Variants in MEIS2 observed in about 807,000 individuals in gnomAD.
MEIS2 encodes homeobox protein Meis2.
In MEIS2, 9 loss-of-function variants were observed where a neutral mutation model predicts 58.6. That is an observed-to-expected ratio of 0.15 (90% CI 0.09 to 0.27). The LOEUF (loss-of-function observed/expected upper bound fraction) is 0.27, where lower values mean the gene tolerates loss of function less well. Among genes scored for constraint, MEIS2 ranks in the 10% least tolerant of loss-of-function variants. The pLI is 1.00. For synonymous variants in MEIS2, 221 were observed against 228.4 expected, an observed-to-expected ratio of 0.97 and a Z score of 0.29; for missense variants, 427 against 635.0, an observed-to-expected ratio of 0.67 and a Z score of 3.52.
At chr15:36,933,556 T>C (rs895453682) in intron 9 of MEIS2, among the ~76,000 whole-genome samples, 3 of 151,032 alleles carry the variant, frequency 2.0e-5, no homozygotes, top group Non-Finnish European at 4.4e-5. Flanking sequence ...GTGCCAAGTA[T>C]TCTTCTTCCC....
chr15:37,095,823 A>C, intron 3 of MEIS2: 1 of 654,150 alleles, frequency 1.5e-6, no homozygotes, highest in Non-Finnish European at 2.5e-6. Context: ...GGGACCTGGT[A>C]CGACTAAGCT....
At chr15:37,098,349 G>C in intron 1 of MEIS2, 150 bp from the exon 2 acceptor site, 1 of 1,186,042 alleles carries the variant, frequency 8.4e-7, no homozygotes, top group Non-Finnish European at 1.0e-6. Context: ...TAAGAGAGAA[G>C]AGAGGAGGAG....
chr15:36,928,409 C>T (rs1475039347), intron 9 of MEIS2, among the ~76,000 whole-genome samples: 1 of 152,064 alleles, frequency 6.6e-6, no homozygotes, highest in African/African-American at 2.4e-5. Flanking sequence ...AATCATTATC[C>T]CAGTTTGATG....
At chr15:37,069,585 C>T (rs1890407239) in intron 7 of MEIS2, among the ~76,000 whole-genome samples, 1 of 152,138 alleles carries the variant, frequency 6.6e-6, no homozygotes, top group Admixed American at 6.6e-5. Context: ...GGCAATCCCC[C>T]CACACATTAC....
chr15:36,980,345 C>A (rs1275488925), intron 8 of MEIS2, among the ~76,000 whole-genome samples: 1 of 152,028 alleles, frequency 6.6e-6, no homozygotes, highest in Non-Finnish European at 1.5e-5. Context: ...TAAAGACATA[C>A]CCAAGACTGG....
intron 8 of MEIS2, among the ~76,000 whole-genome samples, chr15:36,968,807 T>G (rs1428183127): frequency 1.3e-5 from 2 of 152,144 alleles, no homozygotes; most frequent in Non-Finnish European, 2.9e-5. Flanking sequence ...TTATAGAAAC[T>G]GGGGGGTAAA....
intron 8 of MEIS2, among the ~76,000 whole-genome samples, chr15:36,952,535 T>C (rs2058787377): frequency 6.6e-6 from 1 of 152,052 alleles, no homozygotes; most frequent in Non-Finnish European, 1.5e-5. Flanking sequence ...CACTGTTCAC[T>C]GTTGTGATGC....
intron 9 of MEIS2, among the ~76,000 whole-genome samples, chr15:36,910,950 C>T (rs898625772): frequency 2.7e-5 from 4 of 148,666 alleles, no homozygotes; most frequent in Non-Finnish European, 5.9e-5. Context: ...GAGGCTGAGG[C>T]AGGAGAATGG....
At chr15:36,935,523 TCAGGAAAGAGAGAG>T (rs2058133598) in intron 9 of MEIS2, among the ~76,000 whole-genome samples, 1 of 152,150 alleles carries the variant, frequency 6.6e-6, no homozygotes, top group Non-Finnish European at 1.5e-5. Flanking sequence ...CTAATAATAA[TCAGGAAAGAGAGAG>T]CTTTAACTTT....
chr15:37,074,624 G>A (rs1027027597), intron 7 of MEIS2, among the ~76,000 whole-genome samples: 1 of 151,970 alleles, frequency 6.6e-6, no homozygotes, highest in African/African-American at 2.4e-5. Context: ...AGGACAAAGG[G>A]AAGAGAGAGA....
chr15:36,896,562 C>A, intron 10 of MEIS2, 66 bp downstream of exon 10: 2 of 1,281,880 alleles, frequency 1.6e-6, no homozygotes, highest in Middle Eastern at 3.8e-4. Flanking sequence ...GAGGAAACTA[C>A]TGGAGTATAA....
chr15:36,983,462 T>C (rs1034830543), intron 8 of MEIS2, among the ~76,000 whole-genome samples: 4 of 152,100 alleles, frequency 2.6e-5, no homozygotes, highest in South Asian at 2.1e-4. Flanking sequence ...TGTAAGTGCA[T>C]AGATTTATTT....
At chr15:36,925,309 C>CT (rs1246789554) in intron 9 of MEIS2, among the ~76,000 whole-genome samples, 1 of 152,160 alleles carries the variant, frequency 6.6e-6, no homozygotes, top group Non-Finnish European at 1.5e-5. Context: ...ACATGGGCAA[C>CT]GTCCTTACGA....
chr15:37,075,951 T>C lies in MEIS2; in HGVS notation c.754+7820A>G, dbSNP rs144149284. Among the ~76,000 whole-genome samples, 499 of 152,066 alleles carry C rather than the reference T, an allele frequency of 3.3e-3. 4 individuals carry two copies. Among genetic ancestry groups the C allele is most frequent in the African/African-American group, 0.012 (482 of 41,500 alleles). Reference sequence around the variant, plus strand: ...AGCAAGCTGAGGAAACTTATTGCTGTATAGCAGGGATACTAAAGTGGTTCA... The same window carrying C: ...AGCAAGCTGAGGAAACTTATTGCTGCATAGCAGGGATACTAAAGTGGTTCA... On this transcript the variant is annotated intron_variant, in intron 7 of 11. Coordinates refer to ENST00000561208, the MANE Select transcript of MEIS2 (RefSeq NM_170675.5).
At chr15:36,908,605 T>C (rs557362108) in intron 9 of MEIS2, among the ~76,000 whole-genome samples, 2 of 152,324 alleles carry the variant, frequency 1.3e-5, no homozygotes, top group South Asian at 4.1e-4. Flanking sequence ...ATAGAAATGA[T>C]GGCATTTCTA....
At chr15:36,933,588 ATG>A (rs753916853) in intron 9 of MEIS2, among the ~76,000 whole-genome samples, 2 of 104,752 alleles carry the variant, frequency 1.9e-5, no homozygotes. Flanking sequence ...ATTTATGTGT[ATG>A]TGTGTGTGTG....
chr15:37,055,786 TAAC>T (rs1002190647), intron 7 of MEIS2, among the ~76,000 whole-genome samples: 9 of 152,288 alleles, frequency 5.9e-5, no homozygotes, highest in African/African-American at 1.9e-4. Context: ...TGGAATCAGT[TAAC>T]AATCCTGCTA....
intron 8 of MEIS2, among the ~76,000 whole-genome samples, chr15:37,007,140 T>C (rs979820874): frequency 6.6e-6 from 1 of 152,304 alleles, no homozygotes; most frequent in Admixed American, 6.5e-5. Context: ...ATGGGTCCAA[T>C]TTGTCTGAGG....
rs1270881273 is a variant in MEIS2 at position 36,890,984 on chromosome 15, GCA to G, written c.*1187_*1188del. On this transcript the variant is annotated 3_prime_UTR_variant, in exon 12 of 12. Transcript: ENST00000561208. ...TAACACTGTATAGAGTTGGCATTGT[GCA>G]GTCTTGTCCTAAAACCATTAAAAAC... 1 of 152,524 alleles carries G rather than the reference GCA, an allele frequency of 6.6e-6. No homozygotes were observed. Among genetic ancestry groups the G allele is most frequent in the African/African-American group, 2.4e-5 (1 of 41,422 alleles). The allele number at this position is 152,524 out of a possible 1,614,324, so 9.4% of individuals were successfully genotyped here.
Sources: allele counts gnomAD v4.1 joint callset (sites outside exome capture counted in the v4.1 genomes callset), GRCh38; gene constraint gnomAD v4.1.1; transcripts MANE v1.5; gene names NCBI Gene and HGNC (gene_info 2026-07-23, HGNC 2026-07-21).